The following ZNF385B variants were observed in gnomAD, a reference collection of about 807,000 sequenced individuals.
ZNF385B encodes zinc finger protein 385B.
In ZNF385B, 23 loss-of-function variants were observed where a neutral mutation model predicts 39.2. The observed-to-expected ratio is 0.59, with a 90% CI of 0.42 to 0.83. ZNF385B has a LOEUF of 0.83. Ranked by LOEUF, ZNF385B falls within the 40% of genes least tolerant of loss-of-function variation. The pLI is 0.00. For missense variants in ZNF385B, 552 were observed against 598.9 expected, an observed-to-expected ratio of 0.92 and a Z score of 0.82; for synonymous variants, 205 against 222.6, an observed-to-expected ratio of 0.92 and a Z score of 0.70.
intron 3 of ZNF385B, among the ~76,000 whole-genome samples, chr2:179,758,134 C>T (rs1703160735): frequency 6.6e-6 from 1 of 152,152 alleles, no homozygotes; most frequent in Non-Finnish European, 1.5e-5. Flanking sequence ...ATAAAAGATG[C>T]CACTTCTTGA....
intron 1 of ZNF385B, among the ~76,000 whole-genome samples, chr2:179,795,425 G>GA (rs1390071294): frequency 9.9e-5 from 15 of 152,284 alleles, no homozygotes; most frequent in African/African-American, 3.4e-4. Context: ...TTTAACTGTG[G>GA]TGGGGAGTTT....
At chr2:179,592,409 C>T (rs146436618) in intron 3 of ZNF385B, among the ~76,000 whole-genome samples, 5 of 152,282 alleles carry the variant, frequency 3.3e-5, no homozygotes, top group African/African-American at 1.2e-4. Flanking sequence ...TCAATCATAA[C>T]ATGGGCTGTA....
chr2:179,641,795 C>A (rs574502056), intron 3 of ZNF385B, among the ~76,000 whole-genome samples: 2 of 152,046 alleles, frequency 1.3e-5, no homozygotes, highest in Admixed American at 1.3e-4. Context: ...AAAGGAAGGA[C>A]GAGCCCTTTT....
At chr2:179,772,128 T>C (rs1384080838) in intron 1 of ZNF385B, among the ~76,000 whole-genome samples, 1 of 152,210 alleles carries the variant, frequency 6.6e-6, no homozygotes, top group East Asian at 1.9e-4. Flanking sequence ...AATAAAGCCA[T>C]GTTACCTGTG....
rs200273300 is a variant in ZNF385B, at chr2:179,760,219, T to TGTGTGCGTGC, written c.298+9283_298+9284insGCACGCACAC. On this transcript the variant is annotated intron_variant, in intron 3 of 9. Coordinates refer to ENST00000410066, the MANE Select transcript of ZNF385B (RefSeq NM_152520.6). ...TTCTCCAGTATTACCTGGATTCCTGTGTGCGTGTGTGTGTGTGTGTGTGTG... is the reference window on the plus strand; with the variant it reads ...TTCTCCAGTATTACCTGGATTCCTGTGTGTGCGTGCGTGCGTGTGTGTGTGTGTGTGTGTG... 4.4e-4 allele frequency among the ~76,000 whole-genome samples: 50 copies of TGTGTGCGTGC among 114,262 alleles called. 1 individual carries two copies. Among genetic ancestry groups the TGTGTGCGTGC allele is most frequent in the Non-Finnish European group, 6.8e-4 (35 of 51,838 alleles). The allele number at this position is 114,262 out of a possible 152,430, so 75.0% of individuals were successfully genotyped here.
intron 6 of ZNF385B, among the ~76,000 whole-genome samples, chr2:179,467,604 CA>C (rs2052213172): frequency 6.6e-6 from 1 of 152,108 alleles, no homozygotes; most frequent in Non-Finnish European, 1.5e-5. Flanking sequence ...CCTTCTTATC[CA>C]GTGCCCACAT....
chr2:179,725,188 G>A (rs928482010), intron 3 of ZNF385B, among the ~76,000 whole-genome samples: 3 of 152,136 alleles, frequency 2.0e-5, no homozygotes, highest in Middle Eastern at 6.8e-3. Context: ...AGGCTTGTGT[G>A]ATCAAAGGTT....
chr2:179,492,812 A>G (rs1275390643), intron 5 of ZNF385B, among the ~76,000 whole-genome samples: 1 of 152,170 alleles, frequency 6.6e-6, no homozygotes, highest in East Asian at 1.9e-4. Context: ...AATAACAGAT[A>G]CCTTCAAAAC....
At chr2:179,689,284 C>T (rs753132514) in intron 3 of ZNF385B, among the ~76,000 whole-genome samples, 13 of 152,096 alleles carry the variant, frequency 8.5e-5, no homozygotes, top group Non-Finnish European at 1.0e-4. Context: ...GGGTAAAAGC[C>T]GAGAACCAAG....
At chr2:179,595,346 T>G (rs1190944600) in intron 3 of ZNF385B, among the ~76,000 whole-genome samples, 1 of 152,182 alleles carries the variant, frequency 6.6e-6, no homozygotes, top group African/African-American at 2.4e-5. Flanking sequence ...TATGCCAACT[T>G]TCTTCTAATG....
intron 1 of ZNF385B, among the ~76,000 whole-genome samples, chr2:179,801,764 T>C (rs561899705): frequency 6.6e-6 from 1 of 152,092 alleles, no homozygotes; most frequent in East Asian, 1.9e-4. Context: ...GGTCTTCTAA[T>C]GCATCTACAC....
chr2:179,655,599 GGA>G (rs1325847167), intron 3 of ZNF385B, among the ~76,000 whole-genome samples: 1 of 150,360 alleles, frequency 6.7e-6, no homozygotes, highest in Non-Finnish European at 1.5e-5. Context: ...AGAGAAAGAG[GGA>G]GAGAGAGAGA....
intron 6 of ZNF385B, among the ~76,000 whole-genome samples, chr2:179,458,881 C>A (rs2050994375): frequency 6.6e-6 from 1 of 152,156 alleles, no homozygotes; most frequent in Non-Finnish European, 1.5e-5. Context: ...TGGAGATTTA[C>A]TCATTTCTCT....
chr2:179,629,040 A>AT (rs1690938440), intron 3 of ZNF385B, among the ~76,000 whole-genome samples: 1 of 152,174 alleles, frequency 6.6e-6, no homozygotes. Context: ...ATTATTGGAA[A>AT]TTATTTCCTG....
chr2:179,751,347 T>C (rs979281005), intron 3 of ZNF385B, among the ~76,000 whole-genome samples: 6 of 152,040 alleles, frequency 3.9e-5, no homozygotes, highest in African/African-American at 7.2e-5. Flanking sequence ...GGCAAGGGAG[T>C]GAAGAAACTA....
At chr2:179,854,032 T>C (rs1684388268) in intron 1 of ZNF385B, among the ~76,000 whole-genome samples, 1 of 152,194 alleles carries the variant, frequency 6.6e-6, no homozygotes, top group African/African-American at 2.4e-5. Context: ...GGCTAATTTA[T>C]TTAAAGAAAA....
intron 1 of ZNF385B, among the ~76,000 whole-genome samples, chr2:179,819,811 T>C (rs1158789606): frequency 6.6e-6 from 1 of 152,196 alleles, no homozygotes; most frequent in African/African-American, 2.4e-5. Flanking sequence ...AATTCTATTA[T>C]TACACTATTT....
Position 179,445,772 on chromosome 2 carries a change from A to G in ZNF385B, c.962-44T>C, listed in dbSNP as rs759143956. 3.3e-6 allele frequency: 5 copies of G among 1,495,622 alleles called. No individual in the cohort carries two copies. In the African/African-American group the frequency reaches 5.7e-5, roughly 17 times the overall value. 92.6% of individuals were successfully genotyped at this position (1,495,622 alleles called of 1,614,324 possible). ...CATATTAAATAGCTATCCAAGAATTATATAAAGCTCTTTGTTTTCTTATCC... is the reference window on the plus strand; with the variant it reads ...CATATTAAATAGCTATCCAAGAATTGTATAAAGCTCTTTGTTTTCTTATCC... On this transcript the variant is annotated intron_variant, in intron 7 of 9. Transcript: ENST00000410066.
At chr2:179,496,413 G>C (rs1337581920) in intron 5 of ZNF385B, among the ~76,000 whole-genome samples, 1 of 152,082 alleles carries the variant, frequency 6.6e-6, no homozygotes, top group Non-Finnish European at 1.5e-5. Flanking sequence ...AAGAGACAGG[G>C]ATAGAAAGTT....
Sources: gnomAD v4.1 joint callset for allele counts (sites outside exome capture counted in the v4.1 genomes callset) on GRCh38, gnomAD v4.1.1 for gene constraint, MANE v1.5 for transcripts, NCBI Gene and HGNC (gene_info 2026-07-23, HGNC 2026-07-21) for gene names.